Variants in CD2AP observed in about 807,000 individuals in gnomAD.
The protein encoded by CD2AP is CD2-associated protein.
In CD2AP, 46 loss-of-function variants were observed where a neutral mutation model predicts 85.1. That is an observed-to-expected ratio of 0.54 (90% CI 0.43 to 0.69). The LOEUF (loss-of-function observed/expected upper bound fraction) is 0.69, where lower values mean the gene tolerates loss of function less well. CD2AP is among the 30% of genes least tolerant of loss of function. The probability of loss-of-function intolerance (pLI) is 0.00; values close to 1 mark genes in which losing one functional copy is unlikely to be tolerated. For synonymous variants in CD2AP, 255 were observed against 252.9 expected (o/e 1.01, Z -0.08); for missense variants, 769 against 729.5 (o/e 1.05, Z -0.62).
chr6:47,478,551 C>T (rs1234354554), intron 1 of CD2AP, among the ~76,000 whole-genome samples: 1 of 152,164 alleles, frequency 6.6e-6, no homozygotes, highest in Admixed American at 6.5e-5. Context: ...AACCCCTTGC[C>T]CAGCTAAAAT....
chr6:47,595,362 C>T (rs1430246091), intron 11 of CD2AP, among the ~76,000 whole-genome samples: 1 of 151,974 alleles, frequency 6.6e-6, no homozygotes, highest in African/African-American at 2.4e-5. Context: ...TGTGGCTAAG[C>T]AGTCTTGCCC....
chr6:47,592,624 T>C (rs1768833041), intron 11 of CD2AP, among the ~76,000 whole-genome samples: 1 of 152,100 alleles, frequency 6.6e-6, no homozygotes, highest in African/African-American at 2.4e-5. Flanking sequence ...GAGGAGGCTT[T>C]TGTAAAGTCC....
chr6:47,580,810 A>C, intron 9 of CD2AP, 54 bp from the exon 10 acceptor site: 1 of 1,230,026 alleles, frequency 8.1e-7, no homozygotes, highest in Non-Finnish European at 1.2e-6. Flanking sequence ...AGTTTATTTT[A>C]ACTATATTTG....
intron 2 of CD2AP, among the ~76,000 whole-genome samples, chr6:47,523,223 A>G (rs1766641250): frequency 1.3e-5 from 2 of 152,192 alleles, no homozygotes; most frequent in East Asian, 1.9e-4. Flanking sequence ...TTGATGTTTG[A>G]TTTACTTTCA....
intron 11 of CD2AP, among the ~76,000 whole-genome samples, chr6:47,591,244 G>GT (rs1768784495): frequency 6.6e-6 from 1 of 152,176 alleles, no homozygotes; most frequent in African/African-American, 2.4e-5. Flanking sequence ...GTGGAAGCAG[G>GT]TGGGGTAGTG....
Position 47,488,203 on chromosome 6 carries a change from A to T in CD2AP, c.4+9955A>T, listed in dbSNP as rs527846710. On this transcript the variant is annotated intron_variant, in intron 1 of 17. Transcript: ENST00000359314. ...TAAAGGGAAAGTTTGGCAGAGAGAG[A>T]CATTTCTGTATGAGTCTCCAATTTA... Among the ~76,000 whole-genome samples, 3 of 152,276 alleles carry T rather than the reference A, an allele frequency of 2.0e-5. No individual in the cohort carries two copies. In the South Asian group the frequency reaches 6.2e-4, roughly 32 times the overall value.
At chr6:47,609,068 TC>T in intron 15 of CD2AP, 54 bp from the exon 16 acceptor site, 2 of 1,319,364 alleles carry the variant, frequency 1.5e-6, no homozygotes, top group African/African-American at 3.0e-5. Flanking sequence ...TTAAAATCTT[TC>T]GAACGTAAAT....
chr6:47,522,489 C>T (rs945286045), intron 2 of CD2AP, among the ~76,000 whole-genome samples: 1 of 152,136 alleles, frequency 6.6e-6, no homozygotes, highest in African/African-American at 2.4e-5. Context: ...GAAGGTGTCT[C>T]AGGTGCTGGT....
intron 4 of CD2AP, among the ~76,000 whole-genome samples, chr6:47,554,135 A>G (rs1198987093): frequency 6.6e-6 from 1 of 151,266 alleles, no homozygotes; most frequent in African/African-American, 2.4e-5. Flanking sequence ...CTGATCTCAA[A>G]CTCCTGGTCA....
intron 1 of CD2AP, 26 bp from the exon 2 acceptor site, chr6:47,503,254 C>T: frequency 6.2e-7 from 1 of 1,603,474 alleles, no homozygotes; most frequent in Non-Finnish European, 8.5e-7. Context: ...AGATTTTAGA[C>T]ATTTCGTTTT....
intron 1 of CD2AP, among the ~76,000 whole-genome samples, chr6:47,481,690 A>G (rs755681898): frequency 3.9e-5 from 6 of 152,006 alleles, no homozygotes; most frequent in Non-Finnish European, 8.8e-5. Flanking sequence ...TTTAGATGAT[A>G]TATGCACTTC....
At position 47,574,197 on chromosome 6, in the gene CD2AP, G is replaced by A. The variant is rs908328150; in HGVS notation, c.675G>A (p.Val225=). ...GFGDIFKEGS[V]KLRTRTSSSE... ...GAGACATTTTTAAAGAAGGCTCTGTGAAACTTCGGACAAGAACATCCAGTA... is the reference window on the plus strand; with the variant it reads ...GAGACATTTTTAAAGAAGGCTCTGTAAAACTTCGGACAAGAACATCCAGTA... Residue 225 remains valine (V), a synonymous_variant, in exon 6 of 18, where the codon GTG becomes GTA. Transcript: ENST00000359314. The A allele has an allele frequency of 6.8e-6, 11 of 1,613,894 alleles. No individual in the cohort carries two copies. The highest frequency in any genetic ancestry group is 9.3e-6 in the Non-Finnish European group (11 of 1,179,966).
At chr6:47,545,155 C>G (rs572235260) in intron 4 of CD2AP, 34 of 175,650 alleles carry the variant, frequency 1.9e-4, no homozygotes, top group Admixed American at 4.6e-4. Context: ...AGATCATGGA[C>G]AGGAGGCAGG....
intron 3 of CD2AP, among the ~76,000 whole-genome samples, chr6:47,535,794 T>C (rs1247509349): frequency 6.6e-6 from 1 of 152,108 alleles, no homozygotes; most frequent in Non-Finnish European, 1.5e-5. Context: ...TGAGGGAGAA[T>C]TTTTAGGCCC....
At chr6:47,478,523 C>T (rs1372857451) in intron 1 of CD2AP, among the ~76,000 whole-genome samples, 4 of 152,124 alleles carry the variant, frequency 2.6e-5, no homozygotes, top group African/African-American at 9.7e-5. Flanking sequence ...GGGGCGGGGG[C>T]GCCTGGCCAC....
chr6:47,604,764 T>C (rs1326371356), intron 13 of CD2AP, among the ~76,000 whole-genome samples: 3 of 152,066 alleles, frequency 2.0e-5, no homozygotes, highest in African/African-American at 7.2e-5. Context: ...TTCATTGTCA[T>C]TTATTATTAT....
At chr6:47,505,004 G>A (rs1267580655) in intron 2 of CD2AP, among the ~76,000 whole-genome samples, 1 of 131,546 alleles carries the variant, frequency 7.6e-6, no homozygotes, top group African/African-American at 2.8e-5. Flanking sequence ...GGTGGCTGTG[G>A]CAGTTTCTTT....
At chr6:47,530,689 GTC>G (rs1206301124) in intron 2 of CD2AP, among the ~76,000 whole-genome samples, 4 of 152,280 alleles carry the variant, frequency 2.6e-5, no homozygotes, top group Admixed American at 2.0e-4. Flanking sequence ...ACAAAAGACA[GTC>G]TCTCTTGTTA....
chr6:47,518,391 G>C (rs1167766281), intron 2 of CD2AP, among the ~76,000 whole-genome samples: 1 of 152,178 alleles, frequency 6.6e-6, no homozygotes, highest in East Asian at 1.9e-4. Context: ...TTGCAGGCTA[G>C]TGGCAACCAC....
Sources: allele counts gnomAD v4.1 joint callset (sites outside exome capture counted in the v4.1 genomes callset), GRCh38; gene constraint gnomAD v4.1.1; transcripts MANE v1.5; gene names NCBI Gene and HGNC (gene_info 2026-07-23, HGNC 2026-07-21).